COL5A2: variants seen among roughly 807,000 people sequenced by gnomAD.
The protein encoded by COL5A2 is collagen type V alpha 2 chain.
COL5A2 carries 23 observed loss-of-function variants against 208.2 expected under a neutral mutation model. The ratio of observed to expected loss-of-function variants is 0.11; its 90% confidence interval spans 0.08 to 0.16. COL5A2 has a LOEUF of 0.16. Ranked by LOEUF, COL5A2 falls within the 10% of genes least tolerant of loss-of-function variation. The pLI, the probability that COL5A2 is intolerant of heterozygous loss-of-function variation, is 1.00. For synonymous variants in COL5A2, 625 were observed against 628.5 expected, an observed-to-expected ratio of 0.99 and a Z score of 0.08; for missense variants, 1,590 against 1,956.4, an observed-to-expected ratio of 0.81 and a Z score of 3.53.
At chr2:189,072,765 C>CAAAAAAAAAAAAAAAAAAAAA (rs58636533) in intron 17 of COL5A2, among the ~76,000 whole-genome samples, 1 of 67,536 alleles carries the variant, frequency 1.5e-5, no homozygotes, top group Non-Finnish European at 2.9e-5. Flanking sequence ...ACTCCATCTC[C>CAAAAAAAAAAAAAAAAAAAAA]AAAAAAAAAA....
chr2:189,085,149 A>C lies in COL5A2; in HGVS notation c.798+11T>G. The stretch of plus-strand genomic sequence containing the variant: ...CAAAACCTGAATGGAAAATGAGGAA[A>C]GGTAGCTTACATCTTCCCCAGGTTT... On this transcript the variant is annotated intron_variant, in intron 11 of 53. Transcript: ENST00000374866. The C allele has an allele frequency of 6.2e-7, 1 of 1,610,158 alleles. No individual in the cohort carries two copies. Among genetic ancestry groups the C allele is most frequent in the South Asian group, 1.1e-5 (1 of 90,510 alleles).
intron 1 of COL5A2, among the ~76,000 whole-genome samples, chr2:189,202,037 GAAGTA>G (rs1163196253): frequency 2.0e-5 from 3 of 151,268 alleles, no homozygotes; most frequent in African/African-American, 7.3e-5. Flanking sequence ...TAGAATTTGA[GAAGTA>G]AAGCATTTTA....
At chr2:189,157,242 A>G (rs1203038828) in intron 1 of COL5A2, among the ~76,000 whole-genome samples, 1 of 151,708 alleles carries the variant, frequency 6.6e-6, no homozygotes, top group Admixed American at 6.6e-5. Flanking sequence ...CATATTTCAC[A>G]TTAAAAATGA....
the COL5A2 span, among the ~76,000 whole-genome samples, chr2:189,293,960 C>T: frequency 3.3e-5 from 5 of 152,108 alleles, no homozygotes; most frequent in South Asian, 2.1e-4. Context: ...TGGTGGCGGG[C>T]GCCTGTAGTC....
the COL5A2 span, among the ~76,000 whole-genome samples, chr2:189,246,962 A>G: frequency 6.6e-6 from 1 of 152,346 alleles, no homozygotes; most frequent in South Asian, 2.1e-4. Flanking sequence ...CCCAAAGTTA[A>G]TGAATTTTAA....
chr2:189,322,115 T>C, the COL5A2 span, among the ~76,000 whole-genome samples: 1 of 152,212 alleles, frequency 6.6e-6, no homozygotes, highest in Non-Finnish European at 1.5e-5. Flanking sequence ...AATAAAGATG[T>C]TCTTTGAAAC....
At chr2:189,142,102 A>C (rs1394783774) in intron 1 of COL5A2, among the ~76,000 whole-genome samples, 1 of 152,126 alleles carries the variant, frequency 6.6e-6, no homozygotes, top group Non-Finnish European at 1.5e-5. Flanking sequence ...ATTGGAATGG[A>C]TACAGATTAT....
chr2:189,072,148 A>T, intron 17 of COL5A2, 55 bp from the exon 18 acceptor site: 1 of 1,268,458 alleles, frequency 7.9e-7, no homozygotes, highest in East Asian at 2.3e-5. Flanking sequence ...GTATCTAATT[A>T]GGTCATTTTT....
chr2:189,384,568 G>A, the COL5A2 span, among the ~76,000 whole-genome samples: 2 of 152,060 alleles, frequency 1.3e-5, no homozygotes, highest in African/African-American at 2.4e-5. Context: ...ATAGGCCTAC[G>A]CAGATCTTTC....
At chr2:189,314,952 C>CA in the COL5A2 span, among the ~76,000 whole-genome samples, 1 of 151,824 alleles carries the variant, frequency 6.6e-6, no homozygotes, top group Non-Finnish European at 1.5e-5. Flanking sequence ...GCATACCAAC[C>CA]AAAAAAAGCC....
At chr2:189,079,012 G>A (rs1208409138) in intron 15 of COL5A2, 51 bp downstream of exon 15, 1 of 1,397,492 alleles carries the variant, frequency 7.2e-7, no homozygotes, top group Non-Finnish European at 1.0e-6. Flanking sequence ...AATCTAAAAG[G>A]CAAGGAAATA....
At chr2:189,361,796 G>T in the COL5A2 span, among the ~76,000 whole-genome samples, 1 of 151,492 alleles carries the variant, frequency 6.6e-6, no homozygotes, top group Non-Finnish European at 1.5e-5. Flanking sequence ...TTGCTTCGTG[G>T]TTACCATGAG....
At chr2:189,392,171 C>T in the COL5A2 span, among the ~76,000 whole-genome samples, 4 of 152,112 alleles carry the variant, frequency 2.6e-5, no homozygotes, top group Non-Finnish European at 5.9e-5. Flanking sequence ...TTGGGCTTAA[C>T]TCAACTGCTC....
At chr2:189,190,265 G>C (rs1229773375) in intron 1 of COL5A2, among the ~76,000 whole-genome samples, 1 of 152,138 alleles carries the variant, frequency 6.6e-6, no homozygotes, top group Non-Finnish European at 1.5e-5. Context: ...TTGTTTTACA[G>C]AGACTTACTT....
chr2:189,255,433 C>T, the COL5A2 span, among the ~76,000 whole-genome samples: 1 of 152,162 alleles, frequency 6.6e-6, no homozygotes, highest in African/African-American at 2.4e-5. Flanking sequence ...CCAACCCCAA[C>T]ATCCAAAATC....
rs1685449255 is a variant in COL5A2 at position 189,036,649 on chromosome 2, A to G, written c.4080T>C (p.Val1360=). The change falls in exon 52 of 54, where the codon GTT becomes GTC. Residue 1360 remains valine, a synonymous_variant. Transcript: ENST00000374866. ...CTCTGTTCATATCAAGACCATACCA[A>G]ACAGGTTTATTGTCAGGAGATTTAC... ...WASKSPDNKP[V]WYGLDMNRGS... 1 of 1,613,628 alleles carries G rather than the reference A, an allele frequency of 6.2e-7. No homozygotes were observed. The highest frequency in any genetic ancestry group is 1.3e-5 in the African/African-American group (1 of 74,916).
intron 1 of COL5A2, among the ~76,000 whole-genome samples, chr2:189,138,659 G>A (rs1425203241): frequency 6.6e-6 from 1 of 151,960 alleles, no homozygotes; most frequent in Non-Finnish European, 1.5e-5. Flanking sequence ...CTAGGACTGG[G>A]CCAATAAATA....
intron 1 of COL5A2, among the ~76,000 whole-genome samples, chr2:189,172,010 A>AT (rs1688582602): frequency 6.6e-6 from 1 of 152,214 alleles, no homozygotes; most frequent in African/African-American, 2.4e-5. Flanking sequence ...GAAAGGCCTG[A>AT]TAAGATAAGA....
intron 49 of COL5A2, 56 bp from the exon 50 acceptor site, chr2:189,041,749 C>T: frequency 8.9e-7 from 1 of 1,129,512 alleles, no homozygotes; most frequent in Non-Finnish European, 1.3e-6. Flanking sequence ...TTTACAATGC[C>T]TTTCTCTAAT....
Sources: allele counts gnomAD v4.1 joint callset (sites outside exome capture counted in the v4.1 genomes callset), GRCh38; gene constraint gnomAD v4.1.1; transcripts MANE v1.5; gene names NCBI Gene and HGNC (gene_info 2026-07-23, HGNC 2026-07-21).